The following ADGRV1 variants were observed in gnomAD, a reference collection of about 807,000 sequenced individuals.
The protein encoded by ADGRV1 is G-protein coupled receptor 98.
Under a neutral mutation model 596.2 loss-of-function variants are expected in ADGRV1, and 359 were observed. The ratio of observed to expected loss-of-function variants is 0.60; its 90% CI spans 0.55 to 0.66. The LOEUF (loss-of-function observed/expected upper bound fraction) is 0.66, where lower values mean the gene tolerates loss of function less well. Ranked by LOEUF, ADGRV1 falls within the 30% of genes least tolerant of loss-of-function variation. The pLI is 0.00. For missense variants in ADGRV1, 7,274 were observed against 7,575.6 expected, an observed-to-expected ratio of 0.96 and a Z score of 1.48; for synonymous variants, 2,681 against 2,679.2, an observed-to-expected ratio of 1.00 and a Z score of -0.02.
chr5:91,115,489 G>A (rs1354405976), intron 87 of ADGRV1, among the ~76,000 whole-genome samples: 2 of 152,172 alleles, frequency 1.3e-5, no homozygotes, highest in Non-Finnish European at 2.9e-5. Context: ...GTCAGCTGAT[G>A]AACTGTACTT....
At chr5:91,156,032 A>C (rs1400434615) in intron 89 of ADGRV1, among the ~76,000 whole-genome samples, 1 of 152,216 alleles carries the variant, frequency 6.6e-6, no homozygotes. Context: ...GCTGACTAAA[A>C]GAAAAGTATA....
rs1031591429 is a variant in ADGRV1, at chr5:90,823,469, A to C, written c.16241A>C (p.Lys5414Thr). ...VKVFWRVTLN[K>T]TVVVLQKDGV... ...GTCTTTTGGCGAGTCACACTTAACA[A>C]AACAGTCGTCGTGCTCCAGAAGGAT... The change falls in exon 76 of 90, where the codon AAA becomes ACA. Residue 5414 changes from lysine (K) to threonine (T), a missense_variant. Transcript: ENST00000405460. 1 of 1,613,914 alleles carries C rather than the reference A, an allele frequency of 6.2e-7. No individual in the cohort carries two copies. The highest frequency in any genetic ancestry group is 1.7e-5 in the Admixed American group (1 of 60,006).
chr5:90,865,326 T>C (rs1422562250), intron 83 of ADGRV1, among the ~76,000 whole-genome samples: 2 of 152,188 alleles, frequency 1.3e-5, no homozygotes, highest in African/African-American at 4.8e-5. Flanking sequence ...TTGGCTTTAT[T>C]CACCACCCAC....
At chr5:90,830,522 C>G (rs544664085) in intron 77 of ADGRV1, among the ~76,000 whole-genome samples, 15 of 152,152 alleles carry the variant, frequency 9.9e-5, no homozygotes, top group Non-Finnish European at 1.6e-4. Flanking sequence ...TTTATGTGCT[C>G]AGTCAGATGA....
chr5:90,631,611 G>A (rs2149391180), intron 9 of ADGRV1, among the ~76,000 whole-genome samples: 1 of 152,212 alleles, frequency 6.6e-6, no homozygotes, highest in South Asian at 2.1e-4. Flanking sequence ...GCGAGCTTCT[G>A]CCTGTGAGGA....
At chr5:90,689,147 A>G (rs1746118670) in intron 29 of ADGRV1, among the ~76,000 whole-genome samples, 2 of 152,256 alleles carry the variant, frequency 1.3e-5, no homozygotes, top group Admixed American at 1.3e-4. Flanking sequence ...TGGCCATAAT[A>G]CTTGCTTGAA....
At chr5:90,947,718 C>T (rs1158838408) in intron 83 of ADGRV1, among the ~76,000 whole-genome samples, 1 of 151,982 alleles carries the variant, frequency 6.6e-6, no homozygotes, top group Non-Finnish European at 1.5e-5. Flanking sequence ...GGCACTCTAC[C>T]TAAAAGTCTT....
intron 58 of ADGRV1, chr5:90,759,921 C>A: frequency 5.8e-6 from 1 of 172,190 alleles, no homozygotes; most frequent in South Asian, 1.0e-4. Context: ...GCTGAGATCA[C>A]GCCATTGCAC....
At chr5:90,689,790 T>G in intron 29 of ADGRV1, 71 bp from the exon 30 acceptor site, 1 of 1,048,562 alleles carries the variant, frequency 9.5e-7, no homozygotes, top group Non-Finnish European at 1.4e-6. Context: ...TACCTGATAG[T>G]TTTTCCCTAG....
At chr5:91,084,311 A>C (rs1183978628) in intron 86 of ADGRV1, among the ~76,000 whole-genome samples, 1 of 152,160 alleles carries the variant, frequency 6.6e-6, no homozygotes, top group Non-Finnish European at 1.5e-5. Context: ...ATAGGAGAAA[A>C]ATTTTGCAAT....
chr5:90,709,936 A>G (rs1222732187), intron 39 of ADGRV1, among the ~76,000 whole-genome samples: 1 of 152,218 alleles, frequency 6.6e-6, no homozygotes, highest in Admixed American at 6.5e-5. Flanking sequence ...CATTACTTAC[A>G]TTCTTCTCAT....
intron 9 of ADGRV1, among the ~76,000 whole-genome samples, chr5:90,634,569 G>A (rs184530822): frequency 6.6e-6 from 1 of 152,310 alleles, no homozygotes; most frequent in East Asian, 1.9e-4. Flanking sequence ...GTCTGGAGGA[G>A]AAGGGAAATG....
At chr5:90,645,891 A>G in intron 15 of ADGRV1, 77 bp from the exon 16 acceptor site, 1 of 1,185,544 alleles carries the variant, frequency 8.4e-7, no homozygotes, top group Non-Finnish European at 1.1e-6. Flanking sequence ...TTTTAAAAAA[A>G]CTGAATAATT....
rs188513428 is a variant in ADGRV1 at position 91,068,708 on chromosome 5, C to T, written c.18153-3739C>T. 1.5e-3 allele frequency among the ~76,000 whole-genome samples: 229 copies of T among 152,128 alleles called. 1 individual carries two copies. The highest frequency in any genetic ancestry group is 2.2e-3 in the Non-Finnish European group (152 of 68,008). On this transcript the variant is annotated intron_variant, in intron 85 of 89. Transcript: ENST00000405460. Reference sequence around the variant, plus strand: ...CAATATTGTTCAAATGGCCATACTACCCAAAGCAATCTACAGAGTCAATGC... The same window carrying T: ...CAATATTGTTCAAATGGCCATACTATCCAAAGCAATCTACAGAGTCAATGC...
chr5:91,152,509 A>C (rs1347533314), intron 88 of ADGRV1, among the ~76,000 whole-genome samples: 1 of 152,192 alleles, frequency 6.6e-6, no homozygotes, highest in Non-Finnish European at 1.5e-5. Context: ...GTTAAAAATT[A>C]GTTTTCGTTC....
At chr5:91,079,845 G>A (rs1789182591) in intron 86 of ADGRV1, among the ~76,000 whole-genome samples, 1 of 152,086 alleles carries the variant, frequency 6.6e-6, no homozygotes, top group African/African-American at 2.4e-5. Flanking sequence ...TTTTCTAGGT[G>A]GACAGAGGGC....
chr5:90,819,463 G>T (rs1369811829), intron 75 of ADGRV1, among the ~76,000 whole-genome samples: 1 of 150,250 alleles, frequency 6.7e-6, no homozygotes, highest in East Asian at 1.9e-4. Context: ...GCTCGCTTTT[G>T]AATGTGTTTG....
chr5:90,761,021 A>G (rs870054), intron 58 of ADGRV1, among the ~76,000 whole-genome samples: 4,941 of 152,284 alleles, frequency 0.032, 117 homozygotes, highest in South Asian at 0.12. Flanking sequence ...TTCCGGCCCC[A>G]TATGTCACCA....
At chr5:90,842,113 T>G (rs1272747965) in intron 78 of ADGRV1, among the ~76,000 whole-genome samples, 1 of 152,214 alleles carries the variant, frequency 6.6e-6, no homozygotes, top group African/African-American at 2.4e-5. Flanking sequence ...GGACCTCACT[T>G]CATATGATTT....
Sources: gnomAD v4.1 joint callset for allele counts (sites outside exome capture counted in the v4.1 genomes callset) on GRCh38, gnomAD v4.1.1 for gene constraint, MANE v1.5 for transcripts, NCBI Gene and HGNC (gene_info 2026-07-23, HGNC 2026-07-21) for gene names.